NLK: variants seen among roughly 807,000 people sequenced by gnomAD.
NLK encodes serine/threonine-protein kinase NLK.
NLK carries 11 observed loss-of-function variants against 59.0 expected under a neutral mutation model. The ratio of observed to expected loss-of-function variants is 0.19; its 90% CI spans 0.12 to 0.31. The LOEUF (loss-of-function observed/expected upper bound fraction) is 0.31. Among genes scored for constraint, NLK ranks in the 10% least tolerant of loss-of-function variants. The probability of loss-of-function intolerance (pLI) is 1.00; values close to 1 mark genes in which losing one functional copy is unlikely to be tolerated. For missense variants in NLK, 410 were observed against 661.1 expected (o/e 0.62, Z 4.16); for synonymous variants, 235 against 235.9 (o/e 1.00, Z 0.03).
chr17:28,080,631 C>G (rs1910312775), intron 1 of NLK, among the ~76,000 whole-genome samples: 1 of 152,074 alleles, frequency 6.6e-6, no homozygotes, highest in South Asian at 2.1e-4. Context: ...CAGGATGGGA[C>G]CAATATCGCG....
chr17:28,043,047 T>C lies in NLK; in HGVS notation c.174T>C (p.Ala58=). Residue 58 remains alanine, a synonymous_variant, in exon 1 of 11, where the codon GCT becomes GCC. Transcript: ENST00000407008. Reference sequence around the variant, plus strand: ...AACACCATCTTCATCCGGGGTCGGCTGCCGCTGTACACCCTGTACAGCAGC... The same window carrying C: ...AACACCATCTTCATCCGGGGTCGGCCGCCGCTGTACACCCTGTACAGCAGC... The part of the protein sequence containing the change: ...HPQHHLHPGS[A]AAVHPVQQHT... 6.4e-7 allele frequency: 1 copy of C among 1,559,446 alleles called. No homozygotes were observed. The highest frequency in any genetic ancestry group is 8.7e-7 in the Non-Finnish European group (1 of 1,151,008).
At chr17:28,089,573 A>G (rs1904408117) in intron 1 of NLK, among the ~76,000 whole-genome samples, 1 of 152,010 alleles carries the variant, frequency 6.6e-6, no homozygotes, top group African/African-American at 2.4e-5. Flanking sequence ...GCATGGACAT[A>G]TGCCTTCATT....
chr17:28,143,978 C>G (rs1308834651), intron 3 of NLK, among the ~76,000 whole-genome samples: 1 of 152,180 alleles, frequency 6.6e-6, no homozygotes, highest in Non-Finnish European at 1.5e-5. Flanking sequence ...TCTCCCAGTT[C>G]TTATTGACTC....
rs1177820531 is a variant in NLK at position 28,101,684 on chromosome 17, A to G, written c.459-20919A>G. 2.0e-5 allele frequency among the ~76,000 whole-genome samples: 3 copies of G among 152,108 alleles called. No individual in the cohort carries two copies. In the East Asian group the frequency reaches 5.8e-4, roughly 29 times the overall value. On this transcript the variant is annotated intron_variant, in intron 1 of 10. Transcript: ENST00000407008. ...TTTATTAGTTCTAGTAGCTCTTTGT[A>G]TGTTTCTTAGGATTTACTGCATGTA...
At chr17:28,047,154 C>A (rs79755139) in intron 1 of NLK, among the ~76,000 whole-genome samples, 1 of 152,032 alleles carries the variant, frequency 6.6e-6, no homozygotes, top group African/African-American at 2.4e-5. Context: ...TCTTGTAAAC[C>A]AATGATTACA....
intron 1 of NLK, among the ~76,000 whole-genome samples, chr17:28,054,257 A>G (rs768048713): frequency 1.3e-5 from 2 of 152,152 alleles, no homozygotes; most frequent in Non-Finnish European, 2.9e-5. Context: ...CTCTGTGTTC[A>G]TTTTCCCAGG....
intron 1 of NLK, among the ~76,000 whole-genome samples, chr17:28,112,588 T>G (rs921299848): frequency 6.6e-6 from 1 of 152,226 alleles, no homozygotes; most frequent in African/African-American, 2.4e-5. Context: ...ATAGTTGTTT[T>G]GAGGGGAAAG....
chr17:28,182,023 A>G (rs1908927887), intron 7 of NLK, among the ~76,000 whole-genome samples: 1 of 152,154 alleles, frequency 6.6e-6, no homozygotes. Flanking sequence ...ACAAACAAAC[A>G]AAAAACAGAC....
intron 3 of NLK, among the ~76,000 whole-genome samples, chr17:28,157,765 T>C (rs762909084): frequency 6.6e-6 from 1 of 152,236 alleles, no homozygotes; most frequent in Non-Finnish European, 1.5e-5. Context: ...GTAGGTTGTC[T>C]TCTGTTAACG....
At chr17:28,128,305 A>G (rs1906373669) in intron 2 of NLK, among the ~76,000 whole-genome samples, 1 of 152,204 alleles carries the variant, frequency 6.6e-6, no homozygotes, top group South Asian at 2.1e-4. Context: ...TAAATGTTCA[A>G]TTAAGAGAAT....
intron 1 of NLK, chr17:28,048,677 T>G (rs994617576): frequency 1.3e-5 from 2 of 152,244 alleles, no homozygotes; most frequent in Admixed American, 1.3e-4. Context: ...TACTGGAATG[T>G]TTCATTGTCT....
chr17:28,105,420 A>G (rs1278408359), intron 1 of NLK, among the ~76,000 whole-genome samples: 1 of 152,058 alleles, frequency 6.6e-6, no homozygotes, highest in Non-Finnish European at 1.5e-5. Context: ...TTTTTTTTCA[A>G]TTGGTAGTAT....
rs372507648 is a variant in NLK, at chr17:28,121,806, CT to C, written c.459-793del. On this transcript the variant is annotated intron_variant, in intron 1 of 10. Transcript: ENST00000407008. ...GAGCCACTGAGCCTGGCCTGACATT[CT>C]TTTACCTATTTAGTTAATATGTATC... Among the ~76,000 whole-genome samples the C allele has an allele frequency of 6.1e-3, 924 of 152,112 alleles. 16 individuals carry two copies. The highest frequency in any genetic ancestry group is 0.021 in the African/African-American group (859 of 41,508).
intron 7 of NLK, among the ~76,000 whole-genome samples, chr17:28,182,996 T>G (rs1333891691): frequency 6.6e-6 from 1 of 152,166 alleles, no homozygotes; most frequent in Non-Finnish European, 1.5e-5. Flanking sequence ...GCTGCTCTAG[T>G]CTGAGATTAT....
chr17:28,160,524 C>T (rs1049826612), intron 3 of NLK, among the ~76,000 whole-genome samples: 2 of 152,186 alleles, frequency 1.3e-5, no homozygotes, highest in African/African-American at 4.8e-5. Context: ...GCCATGTGTC[C>T]ATTCAGCAAA....
chr17:28,200,279 T>C (rs1259700662), downstream of NLK, among the ~76,000 whole-genome samples: 1 of 152,214 alleles, frequency 6.6e-6, no homozygotes, highest in Non-Finnish European at 1.5e-5. Context: ...CTAAAAGTTT[T>C]ATCATTTTAC....
chr17:28,175,414 G>A (rs1304808470), intron 7 of NLK, among the ~76,000 whole-genome samples: 1 of 151,214 alleles, frequency 6.6e-6, no homozygotes, highest in African/African-American at 2.4e-5. Flanking sequence ...TCACGCCACT[G>A]CACTCCAGCC....
At chr17:28,106,294 A>G (rs904772950) in intron 1 of NLK, among the ~76,000 whole-genome samples, 8 of 152,188 alleles carry the variant, frequency 5.3e-5, no homozygotes, top group South Asian at 2.1e-4. Flanking sequence ...TAGCATTTCA[A>G]TTTATATTAC....
chr17:28,061,214 T>A (rs1909621577), intron 1 of NLK, among the ~76,000 whole-genome samples: 3 of 152,336 alleles, frequency 2.0e-5, no homozygotes, highest in African/African-American at 7.2e-5. Context: ...ATGTACGAGT[T>A]TATCCAGTTT....
Sources: allele counts gnomAD v4.1 joint callset (sites outside exome capture counted in the v4.1 genomes callset), GRCh38; gene constraint gnomAD v4.1.1; transcripts MANE v1.5; gene names NCBI Gene and HGNC (gene_info 2026-07-23, HGNC 2026-07-21).